Variants in API5 observed in about 807,000 individuals in gnomAD.
The protein encoded by API5 is FIF.
In API5, 6 loss-of-function variants were observed where a neutral mutation model predicts 71.9. The observed-to-expected ratio is 0.08, with a 90% confidence interval of 0.05 to 0.16. The LOEUF (loss-of-function observed/expected upper bound fraction) is 0.16. Among genes scored for constraint, API5 ranks in the 10% least tolerant of loss-of-function variants. API5 has a pLI of 1.00. For missense variants in API5, 332 were observed against 612.8 expected, an observed-to-expected ratio of 0.54 and a Z score of 4.84; for synonymous variants, 189 against 221.3, an observed-to-expected ratio of 0.85 and a Z score of 1.30.
At chr11:43,320,210 T>A (rs527702091) in intron 2 of API5, among the ~76,000 whole-genome samples, 1 of 151,886 alleles carries the variant, frequency 6.6e-6, no homozygotes, top group South Asian at 2.1e-4. Flanking sequence ...CACGCCTGGC[T>A]AATTTTTGTA....
At chr11:43,332,693 TACAC>T (rs138031132) in intron 11 of API5, among the ~76,000 whole-genome samples, 1 of 151,836 alleles carries the variant, frequency 6.6e-6, no homozygotes, top group Admixed American at 6.6e-5. Context: ...CACTCTCATA[TACAC>T]ACACACACAG....
In API5 at chr11:43,344,062, A is replaced by G. The variant is rs1196787734; in HGVS notation, c.*1552A>G. ...GGAGTGGTGGCAATAATCTCTAAAC[A>G]TTCCAAAAGACCATGAGCTGAACCT... On this transcript the variant is annotated 3_prime_UTR_variant, in exon 14 of 14. Transcript: ENST00000531273. 1 of 152,662 alleles carries G rather than the reference A, an allele frequency of 6.6e-6. No homozygotes were observed. The highest frequency in any genetic ancestry group is 2.4e-5 in the African/African-American group (1 of 41,474). The allele number at this position is 152,662 out of a possible 1,614,324, so 9.5% of individuals were successfully genotyped here. A position where few individuals can be genotyped will look rare whatever the true frequency, so the allele number is the denominator to read the frequency against.
At chr11:43,317,297 G>T (rs1036472004) in intron 1 of API5, among the ~76,000 whole-genome samples, 4 of 151,968 alleles carry the variant, frequency 2.6e-5, no homozygotes, top group South Asian at 2.1e-4. Context: ...TTCATAAAAG[G>T]ACTGGTTTGG....
rs990704962 is a variant in API5 at position 43,340,040 on chromosome 11, C to A, written c.1493-2388C>A. Among the ~76,000 whole-genome samples, 6 of 151,842 alleles carry A rather than the reference C, an allele frequency of 4.0e-5. No homozygotes were observed. In the South Asian group the frequency reaches 1.2e-3, roughly 31 times the overall value. ...TGACATGATGTTATATATATAAAAA[C>A]AAAACTAAAGACTCTACCAAAAAAC... is the stretch of plus-strand genomic sequence containing the variant. On this transcript the variant is annotated intron_variant, in intron 13 of 13. Transcript: ENST00000531273.
intron 13 of API5, among the ~76,000 whole-genome samples, chr11:43,337,029 AAAG>A (rs1855458989): frequency 6.7e-6 from 1 of 148,916 alleles, no homozygotes; most frequent in Non-Finnish European, 1.5e-5. Flanking sequence ...AAAAAAAAAA[AAAG>A]ACAAAGTTTA....
intron 6 of API5, 75 bp from the exon 7 acceptor site, chr11:43,326,432 T>C: frequency 1.1e-6 from 1 of 947,954 alleles, no homozygotes; most frequent in Non-Finnish European, 1.7e-6. Flanking sequence ...TCAGCATTTA[T>C]TGAATGAAAT....
chr11:43,319,868 T>C (rs1008103104), intron 2 of API5, among the ~76,000 whole-genome samples: 1 of 152,186 alleles, frequency 6.6e-6, no homozygotes, highest in Non-Finnish European at 1.5e-5. Flanking sequence ...TAGCCATTTT[T>C]TAGGAATACT....
intron 1 of API5, among the ~76,000 whole-genome samples, chr11:43,317,250 A>G (rs540380388): frequency 5.1e-4 from 78 of 152,208 alleles, no homozygotes; most frequent in Admixed American, 9.2e-4. Context: ...GTCTTTCTGT[A>G]TTTGTTACTG....
intron 9 of API5, 124 bp downstream of exon 9, chr11:43,329,017 G>A: frequency 1.0e-6 from 1 of 984,736 alleles, no homozygotes; most frequent in South Asian, 1.6e-5. Context: ...ACAGATTGGA[G>A]GGTTCAGAAA....
At chr11:43,322,169 C>A in intron 5 of API5, 33 bp downstream of exon 5, 1 of 1,563,878 alleles carries the variant, frequency 6.4e-7, no homozygotes, top group Non-Finnish European at 8.6e-7. Flanking sequence ...TGGAAATTCT[C>A]TAAAGCAAAA....
chr11:43,343,123 C>G lies in API5; in HGVS notation c.*613C>G, dbSNP rs2134394822. ...TCTTTTCCATATATTGTGATACAAA[C>G]TTTTGAATATGGAATCTTACTATTT... On this transcript the variant is annotated 3_prime_UTR_variant, in exon 14 of 14. Coordinates refer to ENST00000531273, the MANE Select transcript of API5 (RefSeq NM_001142930.2). 6.4e-6 allele frequency: 1 copy of G among 156,564 alleles called. No individual in the cohort carries two copies. The highest frequency in any genetic ancestry group is 6.4e-5 in the Admixed American group (1 of 15,584). 9.7% of individuals were successfully genotyped at this position (156,564 alleles called of 1,614,324 possible).
intron 13 of API5, chr11:43,339,111 A>T (rs2134385992): frequency 6.6e-6 from 1 of 152,358 alleles, no homozygotes; most frequent in Admixed American, 6.5e-5. Context: ...AGCTTGTAAA[A>T]AAATGTGTCA....
intron 13 of API5, among the ~76,000 whole-genome samples, chr11:43,337,414 A>G (rs766463780): frequency 5.3e-5 from 8 of 152,222 alleles, no homozygotes; most frequent in Non-Finnish European, 1.2e-4. Context: ...AATTACTTCT[A>G]TAACAGTTGA....
At chr11:43,329,664 A>G (rs1018103199) in intron 9 of API5, among the ~76,000 whole-genome samples, 18 of 152,238 alleles carry the variant, frequency 1.2e-4, no homozygotes, top group African/African-American at 3.9e-4. Context: ...GGAGAAGTCA[A>G]TGTAAATAGT....
At chr11:43,321,724 A>C (rs1020390471) in intron 4 of API5, among the ~76,000 whole-genome samples, 1 of 152,214 alleles carries the variant, frequency 6.6e-6, no homozygotes, top group Non-Finnish European at 1.5e-5. Flanking sequence ...CACTTTCAAG[A>C]AATTCTTCCA....
intron 13 of API5, among the ~76,000 whole-genome samples, chr11:43,337,616 T>G (rs1184245199): frequency 2.0e-5 from 3 of 152,196 alleles, no homozygotes. Context: ...CTTACAGCCT[T>G]CTAATAACAA....
chr11:43,335,825 G>A (rs908231386), intron 12 of API5, 33 bp from the exon 13 acceptor site: 2 of 1,572,842 alleles, frequency 1.3e-6, no homozygotes, highest in African/African-American at 1.4e-5. Flanking sequence ...TTAATAGAAT[G>A]TTTTTGAATT....
chr11:43,315,071 G>C (rs1854623529), intron 1 of API5, among the ~76,000 whole-genome samples: 1 of 152,156 alleles, frequency 6.6e-6, no homozygotes, highest in South Asian at 2.1e-4. Flanking sequence ...TGTCAGTCTT[G>C]ACTTCCTTCT....
chr11:43,323,527 T>C lies in API5; in HGVS notation c.641T>C (p.Val214Ala), dbSNP rs1318145100. 1.2e-6 allele frequency: 2 copies of C among 1,613,968 alleles called. No homozygotes were observed. The highest frequency in any genetic ancestry group is 1.7e-6 in the Non-Finnish European group (2 of 1,180,006). The change falls in exon 6 of 14, where the codon GTA (valine) becomes GCA (alanine). Residue 214 changes from valine (V) to alanine (A), a missense_variant. Val to Ala is a moderately conservative substitution (Grantham distance 64). Transcript: ENST00000531273. ...LQTVSGRQQL[V>A]ELVAEQADLE... ...ACAGTGAGTGGAAGACAGCAACTTG[T>C]AGAGTTGGTGGCTGAACAGGCCGAC...
Sources: allele counts gnomAD v4.1 joint callset (sites outside exome capture counted in the v4.1 genomes callset), GRCh38; gene constraint gnomAD v4.1.1; transcripts MANE v1.5; gene names NCBI Gene and HGNC (gene_info 2026-07-23, HGNC 2026-07-21).